The following PLCL1 variants were observed in gnomAD, a reference collection of about 807,000 sequenced individuals.
The protein encoded by PLCL1 is phospholipase C like 1 (inactive).
In PLCL1, 41 loss-of-function variants were observed where a neutral mutation model predicts 84.4. The observed-to-expected ratio is 0.49, with a 90% CI of 0.38 to 0.63. The LOEUF is 0.63. Ranked by LOEUF, PLCL1 falls within the 30% of genes least tolerant of loss-of-function variation. PLCL1 has a pLI of 0.00. For missense variants in PLCL1, 1,206 were observed against 1,367.8 expected, an observed-to-expected ratio of 0.88 and a Z score of 1.87; for synonymous variants, 490 against 488.3, an observed-to-expected ratio of 1.00 and a Z score of -0.05.
At chr2:197,854,577 T>C (rs1204075682) in intron 1 of PLCL1, among the ~76,000 whole-genome samples, 2 of 152,228 alleles carry the variant, frequency 1.3e-5, no homozygotes, top group African/African-American at 4.8e-5. Flanking sequence ...CTGGATGCCA[T>C]AATTTATGTT....
intron 5 of PLCL1, among the ~76,000 whole-genome samples, chr2:198,139,938 T>C (rs79408605): frequency 0.022 from 3,423 of 152,160 alleles, 57 homozygotes; most frequent in East Asian, 0.045. Context: ...TTTCATACTT[T>C]TTTTTTTTTC....
Position 198,114,361 on chromosome 2 carries a change from T to A in PLCL1, c.3105+10425T>A, listed in dbSNP as rs914220555. ...GCATCTCTTGGAGGTACACTTTTTT[T>A]TTTCAGATGAAAGCTGCATTTTATA... On this transcript the variant is annotated intron_variant, in intron 5 of 5. Coordinates refer to ENST00000428675, the MANE Select transcript of PLCL1 (RefSeq NM_006226.4). 2.0e-5 allele frequency among the ~76,000 whole-genome samples: 3 copies of A among 151,806 alleles called. No individual in the cohort carries two copies. The East Asian group carries it at 5.8e-4, about 30-fold the overall frequency.
At chr2:198,061,076 A>T (rs970194773) in intron 1 of PLCL1, among the ~76,000 whole-genome samples, 1 of 152,190 alleles carries the variant, frequency 6.6e-6, no homozygotes, top group South Asian at 2.1e-4. Flanking sequence ...AGCCAAGTGT[A>T]ATGATTAGCA....
At chr2:197,981,177 T>C (rs1574981654) in intron 1 of PLCL1, among the ~76,000 whole-genome samples, 1 of 152,198 alleles carries the variant, frequency 6.6e-6, no homozygotes, top group African/African-American at 2.4e-5. Context: ...TAGTTAATTG[T>C]AGAATCTAAG....
chr2:197,843,706 C>T (rs1440803304), intron 1 of PLCL1, among the ~76,000 whole-genome samples: 1 of 152,110 alleles, frequency 6.6e-6, no homozygotes, highest in African/African-American at 2.4e-5. Context: ...GGTTGTCCTT[C>T]CCAAAACTTT....
intron 1 of PLCL1, among the ~76,000 whole-genome samples, chr2:197,916,728 A>G (rs1291399879): frequency 1.3e-5 from 2 of 151,888 alleles, no homozygotes; most frequent in Non-Finnish European, 2.9e-5. Context: ...TCAAAGATGG[A>G]CTCTGATGCC....
chr2:197,940,646 A>G (rs1357426046), intron 1 of PLCL1, among the ~76,000 whole-genome samples: 1 of 152,172 alleles, frequency 6.6e-6, no homozygotes, highest in Non-Finnish European at 1.5e-5. Context: ...TAAATTGATT[A>G]TGTGTACATT....
intron 1 of PLCL1, among the ~76,000 whole-genome samples, chr2:197,974,781 A>G (rs1025507841): frequency 6.6e-6 from 1 of 152,200 alleles, no homozygotes; most frequent in African/African-American, 2.4e-5. Context: ...CCTTCTCCCA[A>G]TCTCAGCTGC....
intron 1 of PLCL1, among the ~76,000 whole-genome samples, chr2:197,963,895 G>A (rs1035831235): frequency 6.6e-6 from 1 of 152,058 alleles, no homozygotes; most frequent in Non-Finnish European, 1.5e-5. Context: ...AAATGAGTTT[G>A]CTGTAGAGGT....
intron 1 of PLCL1, among the ~76,000 whole-genome samples, chr2:197,925,942 T>C (rs916976395): frequency 6.6e-6 from 1 of 152,242 alleles, no homozygotes; most frequent in African/African-American, 2.4e-5. Flanking sequence ...TTAAATACAT[T>C]CTGAATGAAA....
intron 5 of PLCL1, among the ~76,000 whole-genome samples, chr2:198,118,976 G>A (rs1693807327): frequency 6.6e-6 from 1 of 152,018 alleles, no homozygotes; most frequent in Non-Finnish European, 1.5e-5. Context: ...TTCATATACA[G>A]TAGTGTGTCT....
chr2:197,862,001 T>C (rs574795410), intron 1 of PLCL1, among the ~76,000 whole-genome samples: 1 of 152,320 alleles, frequency 6.6e-6, no homozygotes, highest in Non-Finnish European at 1.5e-5. Flanking sequence ...AATGGAATTG[T>C]ATATATGTGA....
chr2:197,835,768 AAT>A (rs1691174302), intron 1 of PLCL1, among the ~76,000 whole-genome samples: 1 of 152,236 alleles, frequency 6.6e-6, no homozygotes, highest in Admixed American at 6.5e-5. Context: ...ATAGGCATTT[AAT>A]AAATGATATT....
chr2:198,002,482 C>T (rs896703087), intron 1 of PLCL1, among the ~76,000 whole-genome samples: 5 of 152,114 alleles, frequency 3.3e-5, no homozygotes, highest in Non-Finnish European at 7.4e-5. Flanking sequence ...AAAATTGTTA[C>T]ATTCATAGTG....
At position 197,805,594 on chromosome 2, in the gene PLCL1, T is replaced by G. The variant is rs1302527975; in HGVS notation, c.240+255T>G. Among the ~76,000 whole-genome samples, 1 of 152,220 alleles carries G rather than the reference T, an allele frequency of 6.6e-6. No homozygotes were observed. On this transcript the variant is annotated intron_variant, in intron 1 of 5. Transcript: ENST00000428675. This position sits in a 1 kb window ranked among gnomAD's most constrained non-coding sequence, Gnocchi z 4.0. ...TGCGTCTTTGCGTTCTGATGGATGC[T>G]TTCCCTCATTTTCTCTGCAAGCTTC...
intron 1 of PLCL1, among the ~76,000 whole-genome samples, chr2:197,995,480 G>A (rs1690438654): frequency 6.6e-6 from 1 of 152,126 alleles, no homozygotes; most frequent in Non-Finnish European, 1.5e-5. Flanking sequence ...ATGTCAGACA[G>A]GAGACACATG....
chr2:197,817,294 C>T (rs1182959160), intron 1 of PLCL1, among the ~76,000 whole-genome samples: 2 of 151,898 alleles, frequency 1.3e-5, no homozygotes, highest in Non-Finnish European at 2.9e-5. Flanking sequence ...TTTCCTCATA[C>T]TTTCTCATGT....
chr2:197,969,263 C>A (rs948872350), intron 1 of PLCL1, among the ~76,000 whole-genome samples: 14 of 152,114 alleles, frequency 9.2e-5, no homozygotes, highest in African/African-American at 3.4e-4. Flanking sequence ...ACAAAATCAC[C>A]CTCAAAGTGC....
chr2:198,087,685 T>C (rs1287371104), intron 2 of PLCL1, among the ~76,000 whole-genome samples: 1 of 152,156 alleles, frequency 6.6e-6, no homozygotes, highest in African/African-American at 2.4e-5. Flanking sequence ...AAGAGTCTAA[T>C]TGGATTGTTT....
Sources: gnomAD v4.1 joint callset for allele counts (sites outside exome capture counted in the v4.1 genomes callset) on GRCh38, gnomAD v4.1.1 for gene constraint, Gnocchi (gnomAD v3.1) non-coding constraint, MANE v1.5 for transcripts, NCBI Gene and HGNC (gene_info 2026-07-23, HGNC 2026-07-21) for gene names.